ABCB1: variants seen among roughly 807,000 people sequenced by gnomAD.
ABCB1 encodes ATP binding cassette subfamily B member 1.
Under a neutral mutation model 142.0 loss-of-function variants are expected in ABCB1, and 69 were observed. That is an observed-to-expected ratio of 0.49 (90% CI 0.40 to 0.59). ABCB1 has a LOEUF of 0.59. Among genes scored for constraint, ABCB1 ranks in the 20% least tolerant of loss-of-function variants. ABCB1 has a pLI of 0.00. For synonymous variants in ABCB1, 532 were observed against 539.2 expected (o/e 0.99, Z 0.18); for missense variants, 1,326 against 1,554.7 (o/e 0.85, Z 2.47).
chr7:87,653,042 T>G (rs1823739603), intron 1 of ABCB1, among the ~76,000 whole-genome samples: 1 of 151,956 alleles, frequency 6.6e-6, no homozygotes, highest in Non-Finnish European at 1.5e-5. Flanking sequence ...GCTGAGACAG[T>G]TACTTTACTC....
chr7:87,711,992 A>C (rs1235769492), intron 1 of ABCB1, among the ~76,000 whole-genome samples: 1 of 152,186 alleles, frequency 6.6e-6, no homozygotes, highest in Non-Finnish European at 1.5e-5. Flanking sequence ...AGGGTTTGAC[A>C]TTCTGGATTT....
At chr7:87,557,775 T>C (rs1451293411) in intron 8 of ABCB1, among the ~76,000 whole-genome samples, 1 of 152,232 alleles carries the variant, frequency 6.6e-6, no homozygotes, top group African/African-American at 2.4e-5. Flanking sequence ...ACTCCCACAA[T>C]GTCCATTTCC....
intron 1 of ABCB1, among the ~76,000 whole-genome samples, chr7:87,629,461 T>C (rs1275074883): frequency 6.6e-6 from 1 of 152,206 alleles, no homozygotes; most frequent in African/African-American, 2.4e-5. Context: ...GTGTGTACTA[T>C]CCACTTTTCA....
At chr7:87,592,753 GA>G (rs1819045171) in intron 3 of ABCB1, among the ~76,000 whole-genome samples, 1 of 152,068 alleles carries the variant, frequency 6.6e-6, no homozygotes, top group African/African-American at 2.4e-5. Context: ...GTCCCTATAT[GA>G]AGATTATGTC....
chr7:87,590,966 C>T (rs1035766502), intron 3 of ABCB1, among the ~76,000 whole-genome samples: 1 of 152,180 alleles, frequency 6.6e-6, no homozygotes, highest in East Asian at 1.9e-4. Context: ...ATTCTCCCCC[C>T]ACAGCCTGTC....
Position 87,626,294 on chromosome 7 carries a change from G to A in ABCB1, c.-330-25216C>T, listed in dbSNP as rs1966313. Among the ~76,000 whole-genome samples, 6 of 38,912 alleles carry A rather than the reference G, an allele frequency of 1.5e-4. 1 individual carries two copies. The highest frequency in any genetic ancestry group is 2.5e-3 in the South Asian group (2 of 794). 25.5% of individuals were successfully genotyped at this position (38,912 alleles called of 152,430 possible). ...TGTGTCATATATATGTGTCATATAT[G>A]TGTCATATATATGTGTCGTATATGT... On this transcript the variant is annotated intron_variant, in intron 1 of 28. Transcript: ENST00000265724.
In ABCB1 at chr7:87,585,525, G is replaced by A. The variant is rs766476672; in HGVS notation, c.273C>T (p.Asn91=). The A allele has an allele frequency of 6.2e-7, 1 of 1,613,652 alleles. No homozygotes were observed. Among genetic ancestry groups the A allele is most frequent in the Non-Finnish European group, 8.5e-7 (1 of 1,179,822 alleles). The change falls in exon 4 of 28, where the codon AAC becomes AAT. Residue 91 remains asparagine, a synonymous_variant. Coordinates refer to ENST00000622132, the MANE Select transcript of ABCB1 (RefSeq NM_001348946.2). ...NAGNLEDLMS[N]ITNRSDINDT... ...AACAATACTTACTTCTATTAGTGAT[G>A]TTTGACATCAGATCTTCTAAATTTC...
At chr7:87,628,206 T>C (rs973538283) in intron 1 of ABCB1, among the ~76,000 whole-genome samples, 16 of 152,052 alleles carry the variant, frequency 1.1e-4, no homozygotes, top group African/African-American at 2.9e-4. Context: ...TGGCGGCAGC[T>C]AGCGGGCTGC....
At position 87,613,123 on chromosome 7, in the gene ABCB1, C is replaced by A. The variant is rs186557277; in HGVS notation, c.-330-12045G>T. ...TGATTTATGTACATTGATTTTGTAA[C>A]CTGAGACTTTACTAAACTTATTTAT... On this transcript the variant is annotated intron_variant, in intron 1 of 28. Coordinates refer to the ABCB1 transcript ENST00000265724. 1.9e-4 allele frequency among the ~76,000 whole-genome samples: 28 copies of A among 150,988 alleles called. No individual in the cohort carries two copies. The East Asian group carries it at 4.3e-3, about 23-fold the overall frequency.
intron 4 of ABCB1, 109 bp downstream of exon 4, chr7:87,585,403 C>A (rs1818700119): frequency 9.2e-7 from 1 of 1,092,534 alleles, no homozygotes; most frequent in South Asian, 1.3e-5. Context: ...CTGCCTCCTA[C>A]AGGACTAAAC....
intron 2 of ABCB1, among the ~76,000 whole-genome samples, chr7:87,599,586 C>T (rs945841725): frequency 6.6e-6 from 1 of 151,992 alleles, no homozygotes; most frequent in Non-Finnish European, 1.5e-5. Flanking sequence ...AGAGGCACAC[C>T]AAGACTAAGG....
chr7:87,610,700 C>T (rs556772088), intron 1 of ABCB1, among the ~76,000 whole-genome samples: 1 of 152,274 alleles, frequency 6.6e-6, no homozygotes, highest in South Asian at 2.1e-4. Flanking sequence ...ATCTTTGTTA[C>T]TGTTTAAGAC....
At chr7:87,513,349 A>T (rs1471361935) in intron 25 of ABCB1, among the ~76,000 whole-genome samples, 1 of 152,062 alleles carries the variant, frequency 6.6e-6, no homozygotes, top group Non-Finnish European at 1.5e-5. Flanking sequence ...CCTACTCTGA[A>T]CTGTAACTGA....
chr7:87,583,331 G>A (rs1233663773), intron 4 of ABCB1, among the ~76,000 whole-genome samples: 2 of 152,128 alleles, frequency 1.3e-5, no homozygotes, highest in Non-Finnish European at 2.9e-5. Flanking sequence ...ATTGGTAAGG[G>A]TGTGGTTTTT....
At chr7:87,550,624 CT>C in intron 10 of ABCB1, 46 bp from the exon 11 acceptor site, 1 of 1,585,682 alleles carries the variant, frequency 6.3e-7, no homozygotes, top group Non-Finnish European at 8.7e-7. Context: ...ACAATAACTA[CT>C]TTTAGTGATA....
At chr7:87,602,562 T>C (rs1267816839), upstream of ABCB1, among the ~76,000 whole-genome samples, 1 of 152,176 alleles carries the variant, frequency 6.6e-6, no homozygotes, top group East Asian at 1.9e-4. Context: ...TGTAATCTTG[T>C]TGTATTTTAT....
intron 21 of ABCB1, among the ~76,000 whole-genome samples, chr7:87,530,867 AAG>A (rs1816020737): frequency 6.6e-6 from 1 of 150,788 alleles, no homozygotes; most frequent in Admixed American, 6.6e-5. Context: ...GAAAGAAAGA[AAG>A]AAAGAAAAGA....
rs199886416 is a variant in ABCB1, at chr7:87,550,759, C to G, written c.1079G>C (p.Gly360Ala). 2 of 1,613,594 alleles carry G rather than the reference C, an allele frequency of 1.2e-6. No homozygotes were observed. Among genetic ancestry groups the G allele is most frequent in the African/African-American group, 2.7e-5 (2 of 74,916 alleles). Residue 360 changes from glycine to alanine, a missense_variant, in exon 10 of 28, where the codon GGA (glycine) becomes GCA (alanine). Gly to Ala is a moderately conservative substitution (Grantham distance 60). Coordinates refer to ENST00000622132, the MANE Select transcript of ABCB1 (RefSeq NM_001348946.2). ...TATCTTGAAGATTTCATAAGCTGCTCCTCTTGCATTTGCAAATGCTTCAAT... is the reference window on the plus strand; with the variant it reads ...TATCTTGAAGATTTCATAAGCTGCTGCTCTTGCATTTGCAAATGCTTCAAT... The part of the protein sequence containing the change: ...PSIEAFANAR[G>A]AAYEIFKIID...
intron 15 of ABCB1, 109 bp from the exon 16 acceptor site, chr7:87,545,108 G>T (rs952156344): frequency 1.1e-6 from 1 of 952,240 alleles, no homozygotes; most frequent in Non-Finnish European, 1.6e-6. Flanking sequence ...TTTAGTAACT[G>T]CAGAAAAGGA....
Sources: gnomAD v4.1 joint callset for allele counts (sites outside exome capture counted in the v4.1 genomes callset) on GRCh38, gnomAD v4.1.1 for gene constraint, MANE v1.5 for transcripts, NCBI Gene and HGNC (gene_info 2026-07-23, HGNC 2026-07-21) for gene names.